The following MMP16 variants were observed in gnomAD, a reference collection of about 807,000 sequenced individuals.
MMP16 encodes the protein matrix metalloproteinase-16.
In MMP16, 12 loss-of-function variants were observed where a neutral mutation model predicts 67.8. The observed-to-expected ratio is 0.18, with a 90% CI of 0.11 to 0.29. MMP16 has a LOEUF of 0.29. MMP16 is among the 10% of genes least tolerant of loss of function. The pLI, the probability that MMP16 is intolerant of heterozygous loss-of-function variation, is 1.00. For synonymous variants in MMP16, 249 were observed against 255.9 expected (o/e 0.97, Z 0.26); for missense variants, 475 against 765.7 (o/e 0.62, Z 4.48).
At chr8:88,262,195 C>G (rs1349451163) in intron 1 of MMP16, among the ~76,000 whole-genome samples, 1 of 152,168 alleles carries the variant, frequency 6.6e-6, no homozygotes, top group East Asian at 1.9e-4. Flanking sequence ...CTATGTGCAG[C>G]AGTGAGATGT....
At chr8:88,108,267 G>T (rs2616516) in intron 6 of MMP16, among the ~76,000 whole-genome samples, 68,104 of 150,876 alleles carry the variant, frequency 0.45, 15,735 homozygotes, top group East Asian at 0.67. Context: ...TCTTCATAAA[G>T]AAATAAGCTT....
At chr8:88,174,049 T>C (rs1554583289) in intron 3 of MMP16, among the ~76,000 whole-genome samples, 1 of 152,140 alleles carries the variant, frequency 6.6e-6, no homozygotes, top group Non-Finnish European at 1.5e-5. Flanking sequence ...GTGTAGGCAT[T>C]TAAAAAAAAT....
chr8:88,203,242 T>TATAG (rs1408482019), intron 1 of MMP16, among the ~76,000 whole-genome samples: 2 of 151,504 alleles, frequency 1.3e-5, no homozygotes, highest in African/African-American at 4.8e-5. Flanking sequence ...TAGGTGGGAC[T>TATAG]ATAGGTGCCT....
chr8:88,237,389 C>T (rs1051076969), intron 1 of MMP16, among the ~76,000 whole-genome samples: 16 of 152,154 alleles, frequency 1.1e-4, no homozygotes, highest in African/African-American at 3.1e-4. Flanking sequence ...GTGGCTCACG[C>T]CTGTAATCCC....
chr8:88,069,144 A>G (rs1232960498), intron 7 of MMP16: 2 of 232,684 alleles, frequency 8.6e-6, no homozygotes. Context: ...GTCAACATAA[A>G]TCTGGTGATA....
At chr8:88,053,284 A>G (rs1322549123) in intron 8 of MMP16, among the ~76,000 whole-genome samples, 1 of 152,230 alleles carries the variant, frequency 6.6e-6, no homozygotes, top group Non-Finnish European at 1.5e-5. Context: ...ATATGGCAGC[A>G]TCTAATTTAA....
intron 6 of MMP16, among the ~76,000 whole-genome samples, chr8:88,111,132 GACAT>G (rs1184839537): frequency 1.3e-5 from 2 of 151,584 alleles, no homozygotes; most frequent in African/African-American, 4.8e-5. Context: ...TGTAAAGAAA[GACAT>G]ACAACTATGC....
intron 1 of MMP16, among the ~76,000 whole-genome samples, chr8:88,269,896 A>G (rs912883181): frequency 2.5e-4 from 38 of 152,380 alleles, no homozygotes; most frequent in African/African-American, 8.9e-4. Context: ...TTTTAAATGC[A>G]TAACTGTTTC....
At chr8:88,132,545 G>A (rs1808049880) in intron 4 of MMP16, among the ~76,000 whole-genome samples, 1 of 151,874 alleles carries the variant, frequency 6.6e-6, no homozygotes, top group African/African-American at 2.4e-5. Context: ...CTGTTGGACA[G>A]AGATGTGGTC....
intron 6 of MMP16, among the ~76,000 whole-genome samples, chr8:88,115,032 G>T (rs557408528): frequency 2.0e-5 from 3 of 151,944 alleles, no homozygotes; most frequent in Admixed American, 6.6e-5. Context: ...AAGACACCAG[G>T]CTCCTCTGAA....
chr8:88,187,033 C>T (rs953223076), intron 2 of MMP16, among the ~76,000 whole-genome samples: 2 of 152,220 alleles, frequency 1.3e-5, no homozygotes, highest in African/African-American at 4.8e-5. Context: ...AGTTTAAATG[C>T]CAGGATTCAA....
At chr8:88,215,437 C>A (rs911774672) in intron 1 of MMP16, among the ~76,000 whole-genome samples, 7 of 152,116 alleles carry the variant, frequency 4.6e-5, no homozygotes, top group African/African-American at 1.7e-4. Context: ...GAGAGGTTAA[C>A]CTCTATGGAC....
At chr8:88,068,550 T>C (rs1465683691) in intron 7 of MMP16, among the ~76,000 whole-genome samples, 1 of 152,156 alleles carries the variant, frequency 6.6e-6, no homozygotes, top group African/African-American at 2.4e-5. Flanking sequence ...GTTAGGACCA[T>C]ATTTTCGTAT....
intron 6 of MMP16, among the ~76,000 whole-genome samples, chr8:88,109,346 C>G (rs1335976444): frequency 6.6e-6 from 1 of 151,266 alleles, no homozygotes; most frequent in East Asian, 2.0e-4. Flanking sequence ...CAAATAATTA[C>G]AGCTTTCACA....
At chr8:88,165,178 T>TAAAAAA (rs11325157) in intron 4 of MMP16, among the ~76,000 whole-genome samples, 1 of 95,228 alleles carries the variant, frequency 1.1e-5, no homozygotes, top group Non-Finnish European at 2.1e-5. Flanking sequence ...ACCCCATCTC[T>TAAAAAA]AAAAAAAAAA....
intron 6 of MMP16, among the ~76,000 whole-genome samples, chr8:88,115,281 A>C (rs1321575058): frequency 6.6e-6 from 1 of 152,088 alleles, no homozygotes; most frequent in Non-Finnish European, 1.5e-5. Context: ...AGCCACAATG[A>C]GTAACAATAT....
intron 1 of MMP16, among the ~76,000 whole-genome samples, chr8:88,303,956 C>T (rs58755914): frequency 0.13 from 19,483 of 152,194 alleles, 1,613 homozygotes; most frequent in African/African-American, 0.21. Context: ...GATAGCTAAA[C>T]TGATGGAAGT....
chr8:88,116,863 A>G, intron 5 of MMP16, 145 bp from the exon 6 acceptor site: 1 of 716,476 alleles, frequency 1.4e-6, no homozygotes, highest in Non-Finnish European at 2.2e-6. Flanking sequence ...TTCTGAAAAA[A>G]ACAAAATATC....
intron 3 of MMP16, among the ~76,000 whole-genome samples, chr8:88,181,057 G>A (rs780423747): frequency 5.9e-5 from 9 of 152,064 alleles, no homozygotes; most frequent in African/African-American, 1.4e-4. Flanking sequence ...ACAACATCTA[G>A]TAAAGAATCT....
Sources: allele counts gnomAD v4.1 joint callset (sites outside exome capture counted in the v4.1 genomes callset), GRCh38; gene constraint gnomAD v4.1.1; transcripts MANE v1.5; gene names NCBI Gene and HGNC (gene_info 2026-07-23, HGNC 2026-07-21).